The following MORN1 variants were observed in gnomAD, a reference collection of about 807,000 sequenced individuals.
MORN1 encodes MORN repeat containing 1, also known as MORN repeat-containing protein 1.
MORN1 carries 67 observed loss-of-function variants against 61.9 expected under a neutral mutation model. The ratio of observed to expected loss-of-function variants is 1.08; its 90% CI spans 0.89 to 1.33. The LOEUF is 1.33. Ranked by LOEUF, MORN1 falls within the 40% of genes most tolerant of loss-of-function variation. MORN1 has a pLI of 0.00. For missense variants in MORN1, 752 were observed against 691.2 expected (o/e 1.09, Z -0.99); for synonymous variants, 301 against 292.0 (o/e 1.03, Z -0.31).
intron 8 of MORN1, among the ~76,000 whole-genome samples, chr1:2,366,942 A>G (rs1642007206): frequency 6.6e-6 from 1 of 152,184 alleles, no homozygotes; most frequent in African/African-American, 2.4e-5. Flanking sequence ...TACACAGAAT[A>G]TCAATAATAT....
intron 8 of MORN1, among the ~76,000 whole-genome samples, chr1:2,370,972 A>T (rs1002091950): frequency 6.6e-6 from 1 of 151,732 alleles, no homozygotes; most frequent in East Asian, 1.9e-4. Context: ...TTGGGAGGCC[A>T]AGGCGGGTGG....
At position 2,372,796 on chromosome 1, in the gene MORN1, G is replaced by A. The variant is rs1485843569; in HGVS notation, c.635-205C>T. On this transcript the variant is annotated intron_variant, in intron 7 of 13. Transcript: ENST00000378531. The surrounding 1 kb of genome is among the most constrained non-coding windows in gnomAD (Gnocchi z 5.4). ...CGTCCACACTCAGACCGTGAGGCTCGGCTCTGCTGGCCTGGAGCACTGTGG... is the reference window on the plus strand; with the variant it reads ...CGTCCACACTCAGACCGTGAGGCTCAGCTCTGCTGGCCTGGAGCACTGTGG... 1.3e-5 allele frequency among the ~76,000 whole-genome samples: 2 copies of A among 152,358 alleles called. No homozygotes were observed. The highest frequency in any genetic ancestry group is 1.9e-4 in the East Asian group (1 of 5,190).
chr1:2,363,702 C>T (rs1367351977), intron 8 of MORN1: 1 of 150,136 alleles, frequency 6.7e-6, no homozygotes, highest in African/African-American at 2.5e-5. Context: ...GAGGTCAAGG[C>T]TGCAGTGAGC....
chr1:2,339,310 C>T (rs913925855), intron 10 of MORN1, among the ~76,000 whole-genome samples: 2 of 152,152 alleles, frequency 1.3e-5, no homozygotes, highest in African/African-American at 2.4e-5. Flanking sequence ...TGGCACGGGT[C>T]CACGGAGGGG....
intron 10 of MORN1, among the ~76,000 whole-genome samples, chr1:2,343,278 C>A (rs1181826132): frequency 6.6e-6 from 1 of 152,248 alleles, no homozygotes. Context: ...CAGGACTGCT[C>A]TGGGCTCTCT....
At chr1:2,330,688 G>A (rs1641129116) in intron 12 of MORN1, among the ~76,000 whole-genome samples, 1 of 152,250 alleles carries the variant, frequency 6.6e-6, no homozygotes, top group African/African-American at 2.4e-5. Context: ...GAGCTTGGAT[G>A]CCGACAGCCA....
chr1:2,342,867 A>ATTTTATTTAT lies in MORN1; in HGVS notation c.1037-6018_1037-6017insATAAATAAAA, dbSNP rs370414567. 6.4e-3 allele frequency among the ~76,000 whole-genome samples: 642 copies of ATTTTATTTAT among 101,102 alleles called. 7 individuals are homozygous for ATTTTATTTAT. Among genetic ancestry groups the ATTTTATTTAT allele is most frequent in the South Asian group, 0.028 (85 of 3,074 alleles). 66.3% of individuals were successfully genotyped at this position (101,102 alleles called of 152,430 possible). A position where few individuals can be genotyped will look rare whatever the true frequency, so the allele number is the denominator to read the frequency against. ...ATTTTATTTTATTTTATTTTATTTT[A>ATTTTATTTAT]TTTATTTTATTTTATTTTATTTTAT... On this transcript the variant is annotated intron_variant, in intron 10 of 13. Coordinates refer to ENST00000378531, the MANE Select transcript of MORN1 (RefSeq NM_024848.3).
intron 10 of MORN1, among the ~76,000 whole-genome samples, chr1:2,355,015 G>C (rs1221750440): frequency 6.6e-6 from 1 of 152,230 alleles, no homozygotes; most frequent in East Asian, 1.9e-4. Flanking sequence ...GCCTGAGCCG[G>C]GCTGAGAGTC....
chr1:2,360,118 C>T (rs1305550253), intron 8 of MORN1, among the ~76,000 whole-genome samples: 3 of 152,172 alleles, frequency 2.0e-5, no homozygotes, highest in African/African-American at 7.2e-5. Context: ...ACGCCCTGCA[C>T]CCCTGGCACT....
chr1:2,381,748 T>C (rs750019926), intron 6 of MORN1, among the ~76,000 whole-genome samples: 2 of 152,092 alleles, frequency 1.3e-5, no homozygotes, highest in African/African-American at 2.4e-5. Flanking sequence ...GGGGGCCGCT[T>C]GGGGGCCCGG....
chr1:2,381,725 G>C (rs1439870182), intron 6 of MORN1, among the ~76,000 whole-genome samples: 2 of 152,182 alleles, frequency 1.3e-5, no homozygotes, highest in Admixed American at 6.5e-5. Flanking sequence ...ACCATCCCAA[G>C]CAGAAAGGCC....
At chr1:2,371,041 T>TA (rs58586536) in intron 8 of MORN1, 10,672 of 150,366 alleles carry the variant, frequency 0.071, 1,012 homozygotes, top group African/African-American at 0.22. Flanking sequence ...CCGTCTCTAC[T>TA]AAAAAAAAAT....
At chr1:2,388,195 G>A (rs770858618) in intron 3 of MORN1, 44 bp downstream of exon 3, 5 of 1,488,412 alleles carry the variant, frequency 3.4e-6, no homozygotes, top group Non-Finnish European at 4.7e-6. Context: ...GAGCCCGATG[G>A]GTTATGAGAA....
chr1:2,381,362 T>A (rs1040223823), intron 6 of MORN1, among the ~76,000 whole-genome samples: 1 of 152,214 alleles, frequency 6.6e-6, no homozygotes, highest in African/African-American at 2.4e-5. Context: ...TCACTGGCCA[T>A]GGTCTGCCCG....
At chr1:2,361,097 G>A (rs1268107741) in intron 8 of MORN1, among the ~76,000 whole-genome samples, 1 of 152,206 alleles carries the variant, frequency 6.6e-6, no homozygotes, top group South Asian at 2.1e-4. Context: ...TATGAGGCAT[G>A]CAAAGAATGC....
chr1:2,349,728 T>G (rs997098690), intron 10 of MORN1, among the ~76,000 whole-genome samples: 1 of 152,138 alleles, frequency 6.6e-6, no homozygotes, highest in Non-Finnish European at 1.5e-5. Context: ...CGGGCAAGAT[T>G]GAATTAGTGG....
intron 12 of MORN1, chr1:2,332,520 G>T: frequency 2.3e-6 from 1 of 436,446 alleles, no homozygotes; most frequent in Non-Finnish European, 4.7e-6. Flanking sequence ...ACCCCACGCA[G>T]GCCGCTAGGA....
chr1:2,347,612 G>A (rs1641544683), intron 10 of MORN1, among the ~76,000 whole-genome samples: 1 of 152,192 alleles, frequency 6.6e-6, no homozygotes, highest in Non-Finnish European at 1.5e-5. Flanking sequence ...TGGCCCCATA[G>A]TCTCGGTGCA....
chr1:2,348,225 G>A (rs1379931908), intron 10 of MORN1, among the ~76,000 whole-genome samples: 10 of 152,236 alleles, frequency 6.6e-5, no homozygotes, highest in African/African-American at 2.2e-4. Flanking sequence ...CCGTGTGGCC[G>A]TGTCTGAGGT....
Sources: gnomAD v4.1 joint callset for allele counts (sites outside exome capture counted in the v4.1 genomes callset) on GRCh38, gnomAD v4.1.1 for gene constraint, Gnocchi (gnomAD v3.1) non-coding constraint, MANE v1.5 for transcripts, NCBI Gene and HGNC (gene_info 2026-07-23, HGNC 2026-07-21) for gene names.